Variants in RAMAC observed in about 807,000 individuals in gnomAD.
RAMAC encodes the protein RNA guanine-N7 methyltransferase activating subunit.
In RAMAC, 11 loss-of-function variants were observed where a neutral mutation model predicts 17.9. That is an observed-to-expected ratio of 0.61 (90% CI 0.39 to 1.02). The LOEUF (loss-of-function observed/expected upper bound fraction) is 1.02, where lower values mean the gene tolerates loss of function less well. RAMAC is among the 50% of genes least tolerant of loss of function. The pLI, the probability that RAMAC is intolerant of heterozygous loss-of-function variation, is 0.01. For synonymous variants in RAMAC, 27 were observed against 48.4 expected, an observed-to-expected ratio of 0.56 and a Z score of 1.84; for missense variants, 109 against 144.0, an observed-to-expected ratio of 0.76 and a Z score of 1.25.
intron 2 of RAMAC, chr15:82,988,706 C>T: frequency 2.2e-6 from 1 of 456,832 alleles, no homozygotes. Context: ...GGGTGGCATG[C>T]ACCTGTAGTT....
chr15:82,989,526 GGAA>G (rs1238836332), intron 3 of RAMAC, among the ~76,000 whole-genome samples: 1 of 152,056 alleles, frequency 6.6e-6, no homozygotes, highest in Non-Finnish European at 1.5e-5. Flanking sequence ...TTTTACTTTA[GGAA>G]GAAGTTTACA....
At chr15:82,989,795 G>T in intron 3 of RAMAC, 86 bp from the exon 4 acceptor site, 1 of 1,486,078 alleles carries the variant, frequency 6.7e-7, no homozygotes, top group South Asian at 1.3e-5. Flanking sequence ...GTATTAGAAT[G>T]AGAAACCAGA....
At chr15:82,988,415 G>T (rs763340466) in intron 2 of RAMAC, 9 of 174,354 alleles carry the variant, frequency 5.2e-5, no homozygotes, top group Non-Finnish European at 1.1e-4. Flanking sequence ...GGTTAAAGTA[G>T]GTAGTATAAA....
rs1567085215 is a variant in RAMAC at position 82,990,619 on chromosome 15, AC to A, written c.*553del. 6.6e-7 allele frequency: 1 copy of A among 1,508,860 alleles called. No individual in the cohort carries two copies. Among genetic ancestry groups the A allele is most frequent in the Non-Finnish European group, 9.0e-7 (1 of 1,110,616 alleles). The allele number at this position is 1,508,860 out of a possible 1,614,324, so 93.5% of individuals were successfully genotyped here. Reference sequence around the variant, plus strand: ...TAATCTATAGATGAGTCAGCTCCACACTTGAGTCTCTTTTTAGAGGGAAATC... The same window carrying A: ...TAATCTATAGATGAGTCAGCTCCACATTGAGTCTCTTTTTAGAGGGAAATC... On this transcript the variant is annotated 3_prime_UTR_variant, in exon 4 of 4. Transcript: ENST00000304191.
chr15:82,986,529 G>T (rs994999952), intron 1 of RAMAC, among the ~76,000 whole-genome samples, 160 bp downstream of exon 1: 1 of 152,184 alleles, frequency 6.6e-6, no homozygotes, highest in Non-Finnish European at 1.5e-5. Flanking sequence ...GGTATAAGGT[G>T]CTTCGGAAGG....
chr15:82,989,273 G>A, intron 3 of RAMAC, 85 bp downstream of exon 3: 1 of 1,431,022 alleles, frequency 7.0e-7, no homozygotes, highest in Admixed American at 2.4e-5. Context: ...AGTGAGGGCA[G>A]GGACCAGTGT....
In RAMAC at chr15:82,988,988, AAATGTC is replaced by A; in HGVS notation, c.-9-21_-9-16del. The A allele has an allele frequency of 6.4e-7, 1 of 1,557,180 alleles. No individual in the cohort carries two copies. The highest frequency in any genetic ancestry group is 8.7e-7 in the Non-Finnish European group (1 of 1,154,826). ...TTAATTTTTAAATTTTTTTTAATGG[AAATGTC>A]TTTAAAATTGTACAGATTTTCAGAA... On this transcript the variant is annotated splice_polypyrimidine_tract_variant and intron_variant, in intron 2 of 3. Transcript: ENST00000304191.
At position 82,990,719 on chromosome 15, in the gene RAMAC, G is replaced by T; in HGVS notation, c.*652G>T. 1 of 1,330,818 alleles carries T rather than the reference G, an allele frequency of 7.5e-7. No homozygotes were observed. Among genetic ancestry groups the T allele is most frequent in the Non-Finnish European group, 1.1e-6 (1 of 949,578 alleles). 82.4% of individuals were successfully genotyped at this position (1,330,818 alleles called of 1,614,324 possible). A position where few individuals can be genotyped will look rare whatever the true frequency, so the allele number is the denominator to read the frequency against. On this transcript the variant is annotated 3_prime_UTR_variant, in exon 4 of 4. Transcript: ENST00000304191. ...TGATCTGGTGGTGGTTGGGATAAGGGTACACATCATTTTATACAAACACTA... is the reference window on the plus strand; with the variant it reads ...TGATCTGGTGGTGGTTGGGATAAGGTTACACATCATTTTATACAAACACTA...
At chr15:82,988,707 AC>A (rs1236149062) in intron 2 of RAMAC, 1 of 455,952 alleles carries the variant, frequency 2.2e-6, no homozygotes, top group South Asian at 1.6e-5. Context: ...GGTGGCATGC[AC>A]CTGTAGTTCC....
intron 3 of RAMAC, among the ~76,000 whole-genome samples, chr15:82,989,617 G>C (rs189805587): frequency 1.3e-4 from 20 of 152,276 alleles, no homozygotes; most frequent in African/African-American, 4.8e-4. Flanking sequence ...CAATTGAATA[G>C]ATTTCACTTT....
intron 3 of RAMAC, among the ~76,000 whole-genome samples, chr15:82,989,516 T>A (rs1005781320): frequency 2.0e-5 from 3 of 152,226 alleles, no homozygotes; most frequent in Admixed American, 2.0e-4. Flanking sequence ...ATTGTTTCGA[T>A]TTTACTTTAG....
chr15:82,989,303 G>A (rs2030758451), intron 3 of RAMAC, 115 bp downstream of exon 3: 2 of 916,078 alleles, frequency 2.2e-6, no homozygotes, highest in Non-Finnish European at 3.2e-6. Flanking sequence ...GGCATACCTA[G>A]TACCTAATAA....
rs1340864257 is a variant in RAMAC, at chr15:82,986,363, T to A, written c.-65T>A. On this transcript the variant is annotated 5_prime_UTR_variant, in exon 1 of 4. In the 5' UTR this introduces an upstream ATG that the reference lacks. Coordinates refer to ENST00000304191, the MANE Select transcript of RAMAC (RefSeq NM_031452.4). ...GGCCTGAGCTGGATTGACATAGCCC[T>A]TGGCGGGTGAGTCGCCCCGGACGCC... is the stretch of plus-strand genomic sequence containing the variant. 6.5e-6 allele frequency: 1 copy of A among 152,694 alleles called. No homozygotes were observed. The highest frequency in any genetic ancestry group is 2.4e-5 in the African/African-American group (1 of 41,450). The allele number at this position is 152,694 out of a possible 1,614,324, so 9.5% of individuals were successfully genotyped here.
chr15:82,990,436 C>T lies in RAMAC; in HGVS notation c.*369C>T. 1 of 497,550 alleles carries T rather than the reference C, an allele frequency of 2.0e-6. No individual in the cohort carries two copies. The highest frequency in any genetic ancestry group is 2.9e-5 in the South Asian group (1 of 34,486). The allele number at this position is 497,550 out of a possible 1,614,324, so 30.8% of individuals were successfully genotyped here. ...GAGAGTATCCATATGCTTAGATGTG[C>T]TCGTTTCTAAAATTCTAGAGGTTGA... On this transcript the variant is annotated 3_prime_UTR_variant, in exon 4 of 4. Transcript: ENST00000304191.
chr15:82,989,716 A>C (rs934342977), intron 3 of RAMAC, among the ~76,000 whole-genome samples, 165 bp from the exon 4 acceptor site: 5 of 152,372 alleles, frequency 3.3e-5, no homozygotes, highest in Non-Finnish European at 7.3e-5. Flanking sequence ...TTTCAATCTT[A>C]GGAAAGTTTT....
chr15:82,990,785 T>TA lies in RAMAC; in HGVS notation c.*720dup, dbSNP rs2030826694. 1 of 717,728 alleles carries TA rather than the reference T, an allele frequency of 1.4e-6. No homozygotes were observed. The highest frequency in any genetic ancestry group is 1.7e-5 in the South Asian group (1 of 57,982). The allele number at this position is 717,728 out of a possible 1,614,324, so 44.5% of individuals were successfully genotyped here. On this transcript the variant is annotated 3_prime_UTR_variant, in exon 4 of 4. Transcript: ENST00000304191. ...AACATAGCAGGTCAAAATTCACACA[T>TA]AAGAAAGTTTAACTCTGTACTGTTC...
chr15:82,990,540 T>C lies in RAMAC; in HGVS notation c.*473T>C, dbSNP rs1199449336. The C allele has an allele frequency of 1.1e-6, 1 of 895,626 alleles. No homozygotes were observed. The highest frequency in any genetic ancestry group is 2.8e-5 in the East Asian group (1 of 36,150). 55.5% of individuals were successfully genotyped at this position (895,626 alleles called of 1,614,324 possible). ...CATCAGCAGTTGAAAGGTAAAACAA[T>C]TGCTTTTTTTTTTTTTTGCATTTGT... is the stretch of plus-strand genomic sequence containing the variant. On this transcript the variant is annotated 3_prime_UTR_variant, in exon 4 of 4. Transcript: ENST00000304191.
chr15:82,990,218 C>T lies in RAMAC; in HGVS notation c.*151C>T. The T allele has an allele frequency of 3.0e-6, 1 of 335,240 alleles. No homozygotes were observed. Among genetic ancestry groups the T allele is most frequent in the Non-Finnish European group, 4.8e-6 (1 of 207,218 alleles). The allele number at this position is 335,240 out of a possible 1,614,324, so 20.8% of individuals were successfully genotyped here. ...GAGACTTTAAAAAAAATAGATCTTA[C>T]TTGCGAAATGCGATGGTTGCTGGGA... On this transcript the variant is annotated 3_prime_UTR_variant, in exon 4 of 4. Coordinates refer to ENST00000304191, the MANE Select transcript of RAMAC (RefSeq NM_031452.4).
At chr15:82,987,883 T>TA (rs1334924109) in intron 2 of RAMAC, among the ~76,000 whole-genome samples, 2 of 150,668 alleles carry the variant, frequency 1.3e-5, no homozygotes, top group Admixed American at 1.3e-4. Context: ...CTACTAAAAA[T>TA]ACAAAAATTA....
Sources: allele counts gnomAD v4.1 joint callset (sites outside exome capture counted in the v4.1 genomes callset), GRCh38; gene constraint gnomAD v4.1.1; transcripts MANE v1.5; gene names NCBI Gene and HGNC (gene_info 2026-07-23, HGNC 2026-07-21).